The following MYO3B variants were observed in gnomAD, a reference collection of about 807,000 sequenced individuals.
MYO3B encodes the protein myosin-IIIb.
In MYO3B, 156 loss-of-function variants were observed where a neutral mutation model predicts 174.6. That is an observed-to-expected ratio of 0.89 (90% CI 0.78 to 1.02). MYO3B has a LOEUF of 1.02. MYO3B is among the 50% of genes least tolerant of loss of function. The pLI is 0.00. For synonymous variants in MYO3B, 563 were observed against 569.1 expected (o/e 0.99, Z 0.15); for missense variants, 1,632 against 1,639.4 (o/e 1.00, Z 0.08).
chr2:170,291,506 C>T (rs1015787579), intron 7 of MYO3B, among the ~76,000 whole-genome samples: 1 of 152,158 alleles, frequency 6.6e-6, no homozygotes. Context: ...CATGCAATTA[C>T]TTTTACCAGT....
At chr2:170,360,093 C>T (rs181683919) in intron 8 of MYO3B, among the ~76,000 whole-genome samples, 7 of 152,262 alleles carry the variant, frequency 4.6e-5, no homozygotes, top group African/African-American at 7.2e-5. Flanking sequence ...AACCCCAGTT[C>T]TGGTATAGTC....
At chr2:170,317,187 G>T (rs558057371) in intron 7 of MYO3B, among the ~76,000 whole-genome samples, 19 of 152,280 alleles carry the variant, frequency 1.2e-4, no homozygotes, top group South Asian at 1.0e-3. Flanking sequence ...TTGAGATGTG[G>T]TTATTACCGA....
chr2:170,214,567 G>C lies in MYO3B; in HGVS notation c.426+84G>C, dbSNP rs1574591617. The C allele has an allele frequency of 2.1e-6, 3 of 1,416,370 alleles. No individual in the cohort carries two copies. The East Asian group carries it at 6.9e-5, about 32-fold the overall frequency. The allele number at this position is 1,416,370 out of a possible 1,614,324, so 87.7% of individuals were successfully genotyped here. A position where few individuals can be genotyped will look rare whatever the true frequency, so the allele number is the denominator to read the frequency against. ...GGTCCTTATTGCATATTAACAATGG[G>C]GAAACTGCCCTATGATATGCAAGGA... On this transcript the variant is annotated intron_variant, in intron 4 of 34. Coordinates refer to ENST00000408978, the MANE Select transcript of MYO3B (RefSeq NM_138995.5).
intron 6 of MYO3B, 57 bp downstream of exon 6, chr2:170,217,452 C>T (rs2092843176): frequency 7.1e-7 from 1 of 1,401,248 alleles, no homozygotes; most frequent in African/African-American, 1.4e-5. Context: ...TGGTACTATG[C>T]CTTTTTATGG....
intron 32 of MYO3B, among the ~76,000 whole-genome samples, chr2:170,626,952 C>T (rs1416721520): frequency 6.6e-6 from 1 of 152,110 alleles, no homozygotes; most frequent in African/African-American, 2.4e-5. Context: ...TGTGGGTAAC[C>T]CGACCTTTCT....
Position 170,402,842 on chromosome 2 carries a change from A to T in MYO3B, c.2130-6A>T. The T allele has an allele frequency of 6.2e-7, 1 of 1,600,982 alleles. No homozygotes were observed. The highest frequency in any genetic ancestry group is 8.5e-7 in the Non-Finnish European group (1 of 1,170,598). ...CTAAAGAGTTTTGTTCTTCTCTCTC[A>T]TGCAGTAGTGCAGGAGGTGGAATGA... is the stretch of plus-strand genomic sequence containing the variant. On this transcript the variant is annotated splice_region_variant and splice_polypyrimidine_tract_variant and intron_variant, in intron 18 of 34. Coordinates refer to ENST00000408978, the MANE Select transcript of MYO3B (RefSeq NM_138995.5).
chr2:170,586,867 C>A (rs560571916), intron 32 of MYO3B, among the ~76,000 whole-genome samples: 9 of 152,254 alleles, frequency 5.9e-5, no homozygotes, highest in Admixed American at 3.3e-4. Context: ...ATCTTGGCAG[C>A]CTTTTAGAAC....
At chr2:170,270,185 GTAT>G (rs1253404828) in intron 7 of MYO3B, among the ~76,000 whole-genome samples, 2 of 152,088 alleles carry the variant, frequency 1.3e-5, no homozygotes, top group African/African-American at 4.8e-5. Context: ...CTATGCTACT[GTAT>G]TATTTAAATA....
intron 7 of MYO3B, among the ~76,000 whole-genome samples, chr2:170,300,633 G>T (rs942954504): frequency 2.6e-5 from 4 of 152,066 alleles, no homozygotes; most frequent in African/African-American, 9.7e-5. Flanking sequence ...TCATTTTTGG[G>T]CTTTGAAAAT....
At chr2:170,598,185 T>C (rs1035110848) in intron 32 of MYO3B, among the ~76,000 whole-genome samples, 2 of 152,218 alleles carry the variant, frequency 1.3e-5, no homozygotes, top group Non-Finnish European at 2.9e-5. Context: ...ACATTAGCAA[T>C]GAATCACTCT....
rs145480835 is a variant in MYO3B, at chr2:170,236,641, T to C, written c.749+505T>C. 2.3e-4 allele frequency among the ~76,000 whole-genome samples: 35 copies of C among 152,346 alleles called. 1 individual carries two copies. The East Asian group carries it at 6.4e-3, about 28-fold the overall frequency. ...GAAAATTGTGCGGAAAGAGGTCTGTTTGGAGAGCATTTAAATGCAAGTATA... is the reference window on the plus strand; with the variant it reads ...GAAAATTGTGCGGAAAGAGGTCTGTCTGGAGAGCATTTAAATGCAAGTATA... On this transcript the variant is annotated intron_variant, in intron 7 of 34. Transcript: ENST00000408978.
At chr2:170,414,811 A>G (rs1184292131) in intron 22 of MYO3B, among the ~76,000 whole-genome samples, 2 of 152,212 alleles carry the variant, frequency 1.3e-5, no homozygotes, top group Non-Finnish European at 2.9e-5. Context: ...TAGATGTATA[A>G]TGAAGTATTT....
chr2:170,500,127 A>T (rs1259188251), intron 27 of MYO3B, among the ~76,000 whole-genome samples: 2 of 152,228 alleles, frequency 1.3e-5, no homozygotes, highest in African/African-American at 4.8e-5. Flanking sequence ...ATTTGAGTCT[A>T]TAAAACAAAC....
At chr2:170,604,412 G>A (rs1694693207) in intron 32 of MYO3B, among the ~76,000 whole-genome samples, 1 of 152,002 alleles carries the variant, frequency 6.6e-6, no homozygotes. Context: ...ATAATCTTTT[G>A]TGCTATTTAA....
chr2:170,395,774 A>G (rs952159895), intron 16 of MYO3B, among the ~76,000 whole-genome samples: 13 of 152,232 alleles, frequency 8.5e-5, no homozygotes, highest in African/African-American at 3.1e-4. Flanking sequence ...AAGAAAGGAA[A>G]GAGAGACTGG....
At chr2:170,429,918 T>C (rs1465649472) in intron 22 of MYO3B, among the ~76,000 whole-genome samples, 1 of 152,156 alleles carries the variant, frequency 6.6e-6, no homozygotes, top group African/African-American at 2.4e-5. Context: ...CCCCAAGAGC[T>C]TCTCTGGGCT....
At chr2:170,313,924 A>C (rs2093756744) in intron 7 of MYO3B, among the ~76,000 whole-genome samples, 1 of 152,146 alleles carries the variant, frequency 6.6e-6, no homozygotes, top group African/African-American at 2.4e-5. Context: ...CTCATGACTC[A>C]CACACAGCCC....
intron 22 of MYO3B, among the ~76,000 whole-genome samples, chr2:170,412,962 T>C (rs11679754): frequency 0.24 from 36,549 of 151,924 alleles, 5,229 homozygotes; most frequent in Non-Finnish European, 0.32. Flanking sequence ...TAATTATGTA[T>C]TGAGAATCTG....
At chr2:170,305,853 C>A (rs1333034713) in intron 7 of MYO3B, among the ~76,000 whole-genome samples, 1 of 152,172 alleles carries the variant, frequency 6.6e-6, no homozygotes, top group Non-Finnish European at 1.5e-5. Context: ...TCCTGTGTAG[C>A]TGGGATTACA....
Sources: gnomAD v4.1 joint callset for allele counts (sites outside exome capture counted in the v4.1 genomes callset) on GRCh38, gnomAD v4.1.1 for gene constraint, MANE v1.5 for transcripts, NCBI Gene and HGNC (gene_info 2026-07-23, HGNC 2026-07-21) for gene names.